The following ABCC5 variants were observed in gnomAD, a reference collection of about 807,000 sequenced individuals.
The protein encoded by ABCC5 is ATP-binding cassette sub-family C member 5.
Under a neutral mutation model 160.9 loss-of-function variants are expected in ABCC5, and 61 were observed. The ratio of observed to expected loss-of-function variants is 0.38; its 90% CI spans 0.31 to 0.47. The LOEUF (loss-of-function observed/expected upper bound fraction) is 0.47, where lower values mean the gene tolerates loss of function less well. Among genes scored for constraint, ABCC5 ranks in the 20% least tolerant of loss-of-function variants. The pLI is 0.99. For synonymous variants in ABCC5, 666 were observed against 700.6 expected (o/e 0.95, Z 0.78); for missense variants, 1,308 against 1,813.3 (o/e 0.72, Z 5.06).
chr3:183,977,428 G>T (rs1718315510), intron 10 of ABCC5, 89 bp downstream of exon 10: 2 of 937,314 alleles, frequency 2.1e-6, no homozygotes, highest in Non-Finnish European at 3.3e-6. Context: ...AGCCCAGTGA[G>T]GCCAGCCTGG....
At chr3:183,941,041 G>A (rs1053992437) in intron 25 of ABCC5, among the ~76,000 whole-genome samples, 3 of 152,148 alleles carry the variant, frequency 2.0e-5, no homozygotes, top group Admixed American at 6.5e-5. Context: ...TGTATTTTTA[G>A]TAGAGATGAG....
At chr3:183,943,842 A>T (rs1409432030) in intron 24 of ABCC5, among the ~76,000 whole-genome samples, 1 of 152,174 alleles carries the variant, frequency 6.6e-6, no homozygotes, top group Non-Finnish European at 1.5e-5. Flanking sequence ...ATTAACTCAA[A>T]CACTGCACAT....
chr3:183,987,665 C>T lies in ABCC5; in HGVS notation c.591+105G>A. 2 of 1,520,336 alleles carry T rather than the reference C, an allele frequency of 1.3e-6. No individual in the cohort carries two copies. Among genetic ancestry groups the T allele is most frequent in the Non-Finnish European group, 1.8e-6 (2 of 1,113,128 alleles). 94.2% of individuals were successfully genotyped at this position (1,520,336 alleles called of 1,614,324 possible). ...AGACCTGAAGGCATCTCTAAGACTG[C>T]TACCTAGCCCAAAGCTGAGCACAAC... On this transcript the variant is annotated intron_variant, in intron 5 of 29. Transcript: ENST00000334444. This position sits in a 1 kb window ranked among gnomAD's most constrained non-coding sequence, Gnocchi z 4.2.
At chr3:183,975,889 G>A (rs951719933) in intron 10 of ABCC5, among the ~76,000 whole-genome samples, 11 of 152,036 alleles carry the variant, frequency 7.2e-5, no homozygotes, top group African/African-American at 2.4e-4. Context: ...GAGAGCCCTC[G>A]AAAAACAAGG....
rs1715399029 is a variant in ABCC5 at position 183,951,961 on chromosome 3, T to A, written c.2710A>T (p.Ser904Cys). The change falls in exon 19 of 30, where the codon AGC (serine) becomes TGC (cysteine). Residue 904 changes from serine (S) to cysteine (C), a missense_variant. This residue lies in a region of ABCC5 where 1,142 missense variants were observed against 1,527.1 expected (regional missense o/e 0.75). Coordinates refer to ENST00000334444, the MANE Select transcript of ABCC5 (RefSeq NM_005688.4). This position sits in a 1 kb window ranked among gnomAD's most constrained non-coding sequence, Gnocchi z 4.7. ...TRGNETSVSD[S>C]MKDNPHMQYY... Reference sequence around the variant, plus strand: ...TGCATATGAGGATTGTCCTTCATGCTGTCACTCACCGAGGTCTCGTTCCCT... The same window carrying A: ...TGCATATGAGGATTGTCCTTCATGCAGTCACTCACCGAGGTCTCGTTCCCT... 1 of 1,612,884 alleles carries A rather than the reference T, an allele frequency of 6.2e-7. No homozygotes were observed. Among genetic ancestry groups the A allele is most frequent in the African/African-American group, 1.3e-5 (1 of 74,910 alleles).
intron 8 of ABCC5, among the ~76,000 whole-genome samples, chr3:183,979,650 G>A (rs1718534697): frequency 1.3e-5 from 2 of 150,750 alleles, no homozygotes; most frequent in South Asian, 4.2e-4. Flanking sequence ...GCACAATCAC[G>A]GCTCACCGCA....
chr3:183,938,247 CA>C (rs1228520921), intron 25 of ABCC5, among the ~76,000 whole-genome samples, 187 bp from the exon 26 acceptor site: 2 of 152,138 alleles, frequency 1.3e-5, no homozygotes, highest in African/African-American at 4.8e-5. Flanking sequence ...ACCAGGCAGA[CA>C]CCTTCAAATT....
At chr3:183,960,520 T>C (rs1458474798) in intron 16 of ABCC5, among the ~76,000 whole-genome samples, 8 of 152,282 alleles carry the variant, frequency 5.3e-5, no homozygotes, top group African/African-American at 1.7e-4. Context: ...CATTCGCCCT[T>C]AGAACTCCAT....
intron 16 of ABCC5, among the ~76,000 whole-genome samples, chr3:183,960,930 C>T (rs145336076): frequency 6.8e-4 from 104 of 152,124 alleles, no homozygotes; most frequent in African/African-American, 1.6e-3. Flanking sequence ...GGATTACAGG[C>T]GCCTGCCACC....
chr3:183,949,369 T>C lies in ABCC5; in HGVS notation c.3227+384A>G, dbSNP rs1477358122. Among the ~76,000 whole-genome samples the C allele has an allele frequency of 1.3e-5, 2 of 152,250 alleles. No individual in the cohort carries two copies. Among genetic ancestry groups the C allele is most frequent in the Non-Finnish European group, 2.9e-5 (2 of 68,048 alleles). Reference sequence around the variant, plus strand: ...AAGCAAAACTCTATGAAATATAGCTTTTCAGGGCCAAGGCCAATAGACTCC... The same window carrying C: ...AAGCAAAACTCTATGAAATATAGCTCTTCAGGGCCAAGGCCAATAGACTCC... On this transcript the variant is annotated intron_variant, in intron 22 of 29. Coordinates refer to ENST00000334444, the MANE Select transcript of ABCC5 (RefSeq NM_005688.4). The surrounding 1 kb of genome is among the most constrained non-coding windows in gnomAD (Gnocchi z 4.2).
chr3:183,992,682 G>C (rs564828540), intron 2 of ABCC5, among the ~76,000 whole-genome samples: 2 of 152,072 alleles, frequency 1.3e-5, no homozygotes, highest in Admixed American at 1.3e-4. Flanking sequence ...CCAGCTACTC[G>C]GGAGGCTGAA....
At chr3:183,962,062 T>C (rs1379158810) in intron 15 of ABCC5, among the ~76,000 whole-genome samples, 3 of 152,092 alleles carry the variant, frequency 2.0e-5, no homozygotes, top group Non-Finnish European at 4.4e-5. Context: ...GGAGACATTT[T>C]TGGTTGTCAC....
At chr3:183,945,497 T>C (rs1269933509) in intron 24 of ABCC5, among the ~76,000 whole-genome samples, 1 of 152,158 alleles carries the variant, frequency 6.6e-6, no homozygotes, top group Non-Finnish European at 1.5e-5. Flanking sequence ...GGGGTCCTGA[T>C]GGCCATCCCT....
intron 26 of ABCC5, among the ~76,000 whole-genome samples, chr3:183,929,794 T>C (rs747854539): frequency 6.6e-6 from 1 of 152,138 alleles, no homozygotes; most frequent in Non-Finnish European, 1.5e-5. Flanking sequence ...GTGTTTTTTG[T>C]AGAGATGGGG....
At chr3:183,955,604 A>C (rs1715802091) in intron 17 of ABCC5, among the ~76,000 whole-genome samples, 1 of 152,264 alleles carries the variant, frequency 6.6e-6, no homozygotes, top group South Asian at 2.1e-4. Context: ...TTTTAGATTC[A>C]GGGAGTACAT....
rs868057408 is a variant in ABCC5, at chr3:184,016,626, G to A, written c.-56+1204C>T. ...AGTTGTTGGAATATCTTTTTTAAAT[G>A]CTCACTTGCCTCAGCTATCAAGAGA... On this transcript the variant is annotated intron_variant, in intron 1 of 29. Transcript: ENST00000334444. Among the ~76,000 whole-genome samples the A allele has an allele frequency of 1.9e-4, 29 of 152,282 alleles. No individual in the cohort carries two copies. The South Asian group carries it at 3.1e-3, about 16-fold the overall frequency.
intron 2 of ABCC5, among the ~76,000 whole-genome samples, chr3:184,008,879 C>CA (rs1721456056): frequency 6.6e-6 from 1 of 152,050 alleles, no homozygotes. Context: ...TTTGGTGAGA[C>CA]AGGGTCTCGC....
intron 2 of ABCC5, among the ~76,000 whole-genome samples, chr3:184,011,871 A>T (rs187749875): frequency 2.0e-5 from 3 of 152,306 alleles, no homozygotes; most frequent in Admixed American, 2.0e-4. Flanking sequence ...TGGAGAAAAG[A>T]TTAGCAGTTG....
Position 183,965,249 on chromosome 3 carries a change from GAGTTGTAT to G in ABCC5, c.1959_1966del (p.Arg653SerfsTer11). On this transcript the variant is annotated frameshift_variant and splice_region_variant, in exon 14 of 30. Coordinates refer to ENST00000334444, the MANE Select transcript of ABCC5 (RefSeq NM_005688.4). LOFTEE classifies it high-confidence loss of function. Reference sequence around the variant, plus strand: ...CCTCAGGCAGCAGCTGTTCAGCACAGAGTTGTATCTGGAGGACACAAAGAGACAGCGTC... The same window carrying G: ...CCTCAGGCAGCAGCTGTTCAGCACAGCTGGAGGACACAAAGAGACAGCGTC... 6.2e-7 allele frequency: 1 copy of G among 1,614,246 alleles called. No homozygotes were observed. The highest frequency in any genetic ancestry group is 8.5e-7 in the Non-Finnish European group (1 of 1,180,044).
Sources: gnomAD v4.1 joint callset for allele counts (sites outside exome capture counted in the v4.1 genomes callset) on GRCh38, gnomAD v4.1.1 for gene constraint, gnomAD v4.1.1 regional missense constraint, Gnocchi (gnomAD v3.1) non-coding constraint, MANE v1.5 for transcripts, NCBI Gene and HGNC (gene_info 2026-07-23, HGNC 2026-07-21) for gene names.